Variants in SERPINF1 observed in about 807,000 individuals in gnomAD.
SERPINF1 encodes pigment epithelium-derived factor.
SERPINF1 carries 29 observed loss-of-function variants against 37.3 expected under a neutral mutation model. The ratio of observed to expected loss-of-function variants is 0.78; its 90% CI spans 0.58 to 1.06. The LOEUF (loss-of-function observed/expected upper bound fraction) is 1.06. Ranked by LOEUF, SERPINF1 falls within the 50% of genes least tolerant of loss-of-function variation. The probability of loss-of-function intolerance (pLI) is 0.00; values close to 1 mark genes in which losing one functional copy is unlikely to be tolerated. For synonymous variants in SERPINF1, 281 were observed against 227.9 expected, an observed-to-expected ratio of 1.23 and a Z score of -2.10; for missense variants, 553 against 532.2, an observed-to-expected ratio of 1.04 and a Z score of -0.38.
chr17:1,766,762 G>T, intron 1 of SERPINF1, 141 bp from the exon 2 acceptor site: 1 of 736,240 alleles, frequency 1.4e-6, no homozygotes, highest in South Asian at 1.7e-5. Context: ...CTGGAGGGGT[G>T]AGGGGTGGTC....
At chr17:1,769,781 G>T in intron 2 of SERPINF1, 71 bp from the exon 3 acceptor site, 1 of 1,540,258 alleles carries the variant, frequency 6.5e-7, no homozygotes, top group Non-Finnish European at 9.0e-7. Flanking sequence ...ACACAAAGCC[G>T]TGAGGAGACA....
In SERPINF1 at chr17:1,769,332, C is replaced by T. The variant is rs575353743; in HGVS notation, c.85-520C>T. On this transcript the variant is annotated intron_variant, in intron 2 of 7. Coordinates refer to ENST00000254722, the MANE Select transcript of SERPINF1 (RefSeq NM_002615.7). ...GCTGAGGCAGGAGAATGGCGTGAAC[C>T]CGGGAGGCGGAGCTTGCAGTGAGCC... 4.1e-4 allele frequency among the ~76,000 whole-genome samples: 62 copies of T among 151,572 alleles called. No homozygotes were observed. The East Asian group carries it at 0.011, about 27-fold the overall frequency.
chr17:1,767,994 GGAGTTT>G (rs1357231418), intron 2 of SERPINF1, among the ~76,000 whole-genome samples: 1 of 152,006 alleles, frequency 6.6e-6, no homozygotes, highest in Non-Finnish European at 1.5e-5. Flanking sequence ...CTTGAATCCA[GGAGTTT>G]GAGACCAGCA....
In SERPINF1 at chr17:1,777,360, A is replaced by T. The variant is rs201113182; in HGVS notation, c.1171A>T (p.Asn391Tyr). 6.2e-7 allele frequency: 1 copy of T among 1,614,020 alleles called. No homozygotes were observed. Among genetic ancestry groups the T allele is most frequent in the Admixed American group, 1.7e-5 (1 of 59,994 alleles). ...CACCTTCCCGCTGGACTATCACCTT[A>T]ACCAGCCTTTCATCTTCGTACTGAG... ...HLTFPLDYHL[N>Y]QPFIFVLRDT... Residue 391 changes from asparagine (N) to tyrosine (Y), a missense_variant, in exon 8 of 8, where the codon AAC becomes TAC. Transcript: ENST00000254722.
In SERPINF1 at chr17:1,767,675, G is replaced by C. The variant is rs529356358; in HGVS notation, c.84+681G>C. Among the ~76,000 whole-genome samples, 11 of 152,320 alleles carry C rather than the reference G, an allele frequency of 7.2e-5. No individual in the cohort carries two copies. In the East Asian group the frequency reaches 2.1e-3, roughly 29 times the overall value. ...AGTGTTGGCGGAGGCCCACCCTTGA[G>C]GGACAAGAGCAGCTGGGCATCTTGG... On this transcript the variant is annotated intron_variant, in intron 2 of 7. Transcript: ENST00000254722.
Position 1,776,606 on chromosome 17 carries a change from C to A in SERPINF1, c.861C>A (p.Thr287=). Residue 287 remains threonine (T), a synonymous_variant, in exon 7 of 8, where the codon ACC becomes ACA. Coordinates refer to ENST00000254722, the MANE Select transcript of SERPINF1 (RefSeq NM_002615.7). ...FLPLKVTQNL[T]LIEESLTSEF... is the part of the protein sequence containing the mutation. ...CCCTGAAAGTGACCCAGAATTTGAC[C>A]TTGATAGAGGAGAGCCTCACCTCCG... The A allele has an allele frequency of 6.2e-7, 1 of 1,614,032 alleles. No homozygotes were observed. The highest frequency in any genetic ancestry group is 8.5e-7 in the Non-Finnish European group (1 of 1,180,026).
intron 4 of SERPINF1, among the ~76,000 whole-genome samples, chr17:1,771,404 T>C (rs1907730912): frequency 6.6e-6 from 1 of 151,652 alleles, no homozygotes; most frequent in East Asian, 1.9e-4. Context: ...GCCCAGCTAA[T>C]CTTTTTTGTA....
At chr17:1,766,837 G>A in intron 1 of SERPINF1, 66 bp from the exon 2 acceptor site, 2 of 1,479,072 alleles carry the variant, frequency 1.4e-6, no homozygotes. Context: ...GGGGTGGCCA[G>A]GAAGGGGTAG....
At position 1,766,929 on chromosome 17, in the gene SERPINF1, C is replaced by A; in HGVS notation, c.19C>A (p.Leu7Ile). 6.4e-7 allele frequency: 1 copy of A among 1,564,358 alleles called. No individual in the cohort carries two copies. The highest frequency in any genetic ancestry group is 8.7e-7 in the Non-Finnish European group (1 of 1,154,290). MQALVLLLCIGALLGHS... is the reference protein window; with the variant it reads MQALVLILCIGALLGHS... ...CCCCAGGATGCAGGCCCTGGTGCTA[C>A]TCCTCTGCATTGGAGCCCTCCTCGG... is the stretch of plus-strand genomic sequence containing the variant. The change falls in exon 2 of 8, where the codon CTC becomes ATC. Residue 7 changes from leucine to isoleucine, a missense_variant. By Grantham distance (5) the Leu-to-Ile change is conservative. Transcript: ENST00000254722.
intron 5 of SERPINF1, among the ~76,000 whole-genome samples, chr17:1,772,759 C>T (rs912667068): frequency 4.8e-5 from 7 of 146,808 alleles, no homozygotes; most frequent in Admixed American, 6.9e-5. Context: ...GGGGTTTCAC[C>T]GTGGTCTCGA....
intron 1 of SERPINF1, 50 bp from the exon 2 acceptor site, chr17:1,766,852 GC>G: frequency 6.6e-7 from 1 of 1,509,304 alleles, no homozygotes; most frequent in Middle Eastern, 1.8e-4. Context: ...GGGTAGCGGG[GC>G]AGTGCAGTGT....
At chr17:1,763,025 G>A (rs1254029449) in intron 1 of SERPINF1, 1 of 152,352 alleles carries the variant, frequency 6.6e-6, no homozygotes, top group Non-Finnish European at 1.5e-5. Context: ...CTGCTTCTGG[G>A]GTGTGGGGAA....
intron 4 of SERPINF1, chr17:1,771,650 G>C: frequency 1.7e-6 from 1 of 596,224 alleles, no homozygotes; most frequent in South Asian, 1.9e-5. Flanking sequence ...AGGAGACGGT[G>C]GGAGGGGCAG....
chr17:1,763,489 A>G (rs1907207967), intron 1 of SERPINF1, among the ~76,000 whole-genome samples: 1 of 152,128 alleles, frequency 6.6e-6, no homozygotes, highest in Non-Finnish European at 1.5e-5. Context: ...GGATGGCATC[A>G]TTGTCTGTGG....
chr17:1,764,615 T>C lies in SERPINF1; in HGVS notation c.-8-2288T>C, dbSNP rs529498332. Among the ~76,000 whole-genome samples the C allele has an allele frequency of 7.9e-5, 12 of 152,350 alleles. No homozygotes were observed. The South Asian group carries it at 2.3e-3, about 29-fold the overall frequency. On this transcript the variant is annotated intron_variant, in intron 1 of 7. Coordinates refer to ENST00000254722, the MANE Select transcript of SERPINF1 (RefSeq NM_002615.7). ...CTGAGTAAACTCAAAGGCAATCTTC[T>C]TTCATGCCTCACGATATTGTCCAGT...
intron 1 of SERPINF1, chr17:1,766,673 G>T (rs1471882663): frequency 3.6e-6 from 2 of 556,502 alleles, no homozygotes; most frequent in Non-Finnish European, 3.2e-6. Context: ...TATGACTGTG[G>T]GCCCTGAGGC....
chr17:1,773,598 T>C (rs1049979607), intron 5 of SERPINF1, among the ~76,000 whole-genome samples: 6 of 152,246 alleles, frequency 3.9e-5, no homozygotes, highest in African/African-American at 1.4e-4. Context: ...TGAGGAACTC[T>C]GCACACATTT....
chr17:1,777,369 T>TTCATCTTCGTACTGA lies in SERPINF1; in HGVS notation c.1181_1195dup (p.Leu398_Arg399insIleIlePheValLeu), dbSNP rs1226140660. 3.1e-6 allele frequency: 5 copies of TTCATCTTCGTACTGA among 1,614,012 alleles called. No homozygotes were observed. Among genetic ancestry groups the TTCATCTTCGTACTGA allele is most frequent in the Non-Finnish European group, 3.4e-6 (4 of 1,180,032 alleles). ...GCTGGACTATCACCTTAACCAGCCT[T>TTCATCTTCGTACTGA]TCATCTTCGTACTGAGGGACACAGA... On this transcript the variant is annotated inframe_insertion, in exon 8 of 8. Transcript: ENST00000254722.
Position 1,772,906 on chromosome 17 carries a change from G to C in SERPINF1, c.643+831G>C, listed in dbSNP as rs141424690. Among the ~76,000 whole-genome samples the C allele has an allele frequency of 3.1e-3, 468 of 152,194 alleles. 2 individuals carry two copies. Among genetic ancestry groups the C allele is most frequent in the African/African-American group, 0.011 (446 of 41,532 alleles). On this transcript the variant is annotated intron_variant, in intron 5 of 7. Transcript: ENST00000254722. ...TCACTATGATGCCGAGGCTGGTCTC[G>C]AACTCCTGAGCTGAAGTGATCCTCC...
Sources: gnomAD v4.1 joint callset for allele counts (sites outside exome capture counted in the v4.1 genomes callset) on GRCh38, gnomAD v4.1.1 for gene constraint, MANE v1.5 for transcripts, NCBI Gene and HGNC (gene_info 2026-07-23, HGNC 2026-07-21) for gene names.